The following ARHGAP24 variants were observed in gnomAD, a reference collection of about 807,000 sequenced individuals.
ARHGAP24 encodes the protein rho GTPase-activating protein 24.
ARHGAP24 carries 50 observed loss-of-function variants against 76.4 expected under a neutral mutation model. The observed-to-expected ratio is 0.65, with a 90% confidence interval of 0.52 to 0.83. The LOEUF is 0.83. Among genes scored for constraint, ARHGAP24 ranks in the 40% least tolerant of loss-of-function variants. The pLI is 0.00. For synonymous variants in ARHGAP24, 345 were observed against 323.3 expected (o/e 1.07, Z -0.72); for missense variants, 930 against 914.2 (o/e 1.02, Z -0.22).
intron 2 of ARHGAP24, among the ~76,000 whole-genome samples, chr4:85,660,354 A>T (rs917510808): frequency 1.3e-5 from 2 of 152,136 alleles, no homozygotes; most frequent in Non-Finnish European, 2.9e-5. Context: ...ATACTGTTTT[A>T]AAAGTAGCTT....
chr4:85,562,342 CTG>C (rs780028813), intron 1 of ARHGAP24, among the ~76,000 whole-genome samples: 6 of 152,294 alleles, frequency 3.9e-5, no homozygotes, highest in African/African-American at 9.6e-5. Context: ...TGGATTTGCA[CTG>C]TGTCTTCTAC....
At chr4:85,793,525 C>A (rs759999058) in intron 3 of ARHGAP24, among the ~76,000 whole-genome samples, 3 of 152,048 alleles carry the variant, frequency 2.0e-5, no homozygotes, top group African/African-American at 7.2e-5. Context: ...GATAATCCTG[C>A]CTGTTTTAGT....
chr4:85,669,668 T>TATATGTG (rs1722756072), intron 2 of ARHGAP24, among the ~76,000 whole-genome samples: 1 of 64,322 alleles, frequency 1.6e-5, no homozygotes, highest in Admixed American at 2.2e-4. Context: ...TATATATATA[T>TATATGTG]ATATATATAT....
At chr4:85,688,538 G>A (rs1723514955) in intron 2 of ARHGAP24, among the ~76,000 whole-genome samples, 1 of 152,116 alleles carries the variant, frequency 6.6e-6, no homozygotes, top group African/African-American at 2.4e-5. Context: ...TGTTTACTCT[G>A]TTGCTGGTTT....
At chr4:85,505,836 G>C (rs2110102211) in intron 1 of ARHGAP24, among the ~76,000 whole-genome samples, 1 of 152,092 alleles carries the variant, frequency 6.6e-6, no homozygotes, top group Non-Finnish European at 1.5e-5. Context: ...TTTTTGCCCT[G>C]GTTTCTCCCC....
intron 1 of ARHGAP24, among the ~76,000 whole-genome samples, chr4:85,538,616 A>T (rs185301807): frequency 7.9e-5 from 12 of 152,248 alleles, no homozygotes; most frequent in African/African-American, 2.9e-4. Flanking sequence ...TTGTAATTGA[A>T]CTACTACCTA....
chr4:85,720,208 A>G (rs1014176939), intron 2 of ARHGAP24, among the ~76,000 whole-genome samples: 1 of 152,150 alleles, frequency 6.6e-6, no homozygotes, highest in African/African-American at 2.4e-5. Context: ...GCACATGTAT[A>G]CATATGTAAC....
At chr4:85,801,631 G>C (rs1354874456) in intron 3 of ARHGAP24, among the ~76,000 whole-genome samples, 1 of 152,196 alleles carries the variant, frequency 6.6e-6, no homozygotes, top group African/African-American at 2.4e-5. Context: ...ACATTTCTCT[G>C]TACTTTAGAA....
intron 1 of ARHGAP24, among the ~76,000 whole-genome samples, chr4:85,493,197 G>T (rs1334642695): frequency 1.3e-5 from 2 of 152,178 alleles, no homozygotes; most frequent in Non-Finnish European, 2.9e-5. Flanking sequence ...GGCTGGCCAG[G>T]TTTCTCTACT....
At chr4:85,843,877 G>A (rs1730731795) in intron 3 of ARHGAP24, among the ~76,000 whole-genome samples, 1 of 151,998 alleles carries the variant, frequency 6.6e-6, no homozygotes, top group Non-Finnish European at 1.5e-5. Flanking sequence ...AATATATGTT[G>A]AACTATATGG....
At chr4:85,586,264 T>C (rs1471396531) in intron 2 of ARHGAP24, among the ~76,000 whole-genome samples, 1 of 152,086 alleles carries the variant, frequency 6.6e-6, no homozygotes, top group Admixed American at 6.5e-5. Context: ...ATTCTGTGAT[T>C]CAAGACCACA....
At chr4:85,850,222 T>C (rs1731142686) in intron 3 of ARHGAP24, among the ~76,000 whole-genome samples, 1 of 152,224 alleles carries the variant, frequency 6.6e-6, no homozygotes, top group South Asian at 2.1e-4. Flanking sequence ...CTAGATTTTC[T>C]AGTTTATTTG....
chr4:85,725,603 C>A (rs538476091), intron 3 of ARHGAP24, among the ~76,000 whole-genome samples: 6 of 152,348 alleles, frequency 3.9e-5, no homozygotes, highest in African/African-American at 1.4e-4. Context: ...CTGGTCGTTA[C>A]AGACTTTCCT....
intron 1 of ARHGAP24, among the ~76,000 whole-genome samples, chr4:85,492,143 A>G (rs970051602): frequency 1.4e-5 from 2 of 147,050 alleles, no homozygotes; most frequent in Non-Finnish European, 3.0e-5. Flanking sequence ...TCTCTTTATT[A>G]CCCTAGAACC....
chr4:85,972,686 T>G (rs1222328224), intron 6 of ARHGAP24, among the ~76,000 whole-genome samples: 1 of 152,220 alleles, frequency 6.6e-6, no homozygotes, highest in Non-Finnish European at 1.5e-5. Context: ...AATCTAATTT[T>G]AGAATATTTA....
chr4:85,878,147 G>A (rs962184142), intron 3 of ARHGAP24, among the ~76,000 whole-genome samples: 2 of 152,088 alleles, frequency 1.3e-5, no homozygotes, highest in Non-Finnish European at 2.9e-5. Context: ...ATTATGCATA[G>A]ATAGGTAGAT....
chr4:85,687,554 G>A (rs1723473320), intron 2 of ARHGAP24, among the ~76,000 whole-genome samples: 1 of 152,118 alleles, frequency 6.6e-6, no homozygotes, highest in South Asian at 2.1e-4. Flanking sequence ...TCAGGATTAT[G>A]GACACCAGCT....
At chr4:85,930,090 G>T (rs569176410) in intron 4 of ARHGAP24, among the ~76,000 whole-genome samples, 1 of 152,190 alleles carries the variant, frequency 6.6e-6, no homozygotes, top group Non-Finnish European at 1.5e-5. Context: ...GGAAGCAGCC[G>T]CAGCCACAGC....
intron 2 of ARHGAP24, among the ~76,000 whole-genome samples, chr4:85,603,480 T>C (rs1328624732): frequency 6.6e-6 from 1 of 152,168 alleles, no homozygotes; most frequent in African/African-American, 2.4e-5. Flanking sequence ...GTAAAGAAAA[T>C]TTAAATACTT....
Sources: allele counts gnomAD v4.1 joint callset (sites outside exome capture counted in the v4.1 genomes callset), GRCh38; gene constraint gnomAD v4.1.1; transcripts MANE v1.5; gene names NCBI Gene and HGNC (gene_info 2026-07-23, HGNC 2026-07-21).